Variants in ANKRD30B observed in about 807,000 individuals in gnomAD.
ANKRD30B encodes ankyrin repeat domain 30B, also known as ankyrin repeat domain-containing protein 30B.
In ANKRD30B, 144 loss-of-function variants were observed where a neutral mutation model predicts 202.2. The ratio of observed to expected loss-of-function variants is 0.71; its 90% CI spans 0.62 to 0.82. The LOEUF (loss-of-function observed/expected upper bound fraction) is 0.82, where lower values mean the gene tolerates loss of function less well. Ranked by LOEUF, ANKRD30B falls within the 40% of genes least tolerant of loss-of-function variation. The pLI is 0.00. For synonymous variants in ANKRD30B, 508 were observed against 561.3 expected (o/e 0.91, Z 1.34); for missense variants, 1,487 against 1,669.1 (o/e 0.89, Z 1.90).
chr18:14,749,050 C>T (rs1434390521), intron 1 of ANKRD30B, among the ~76,000 whole-genome samples: 1 of 152,178 alleles, frequency 6.6e-6, no homozygotes, highest in Admixed American at 6.5e-5. Flanking sequence ...TGAACTAATT[C>T]CCATAATATA....
At chr18:14,805,376 G>A (rs183808901) in intron 24 of ANKRD30B, among the ~76,000 whole-genome samples, 5 of 150,588 alleles carry the variant, frequency 3.3e-5, no homozygotes, top group Admixed American at 2.6e-4. Context: ...CAATATTGAG[G>A]GCCAATTAAA....
At chr18:14,753,570 T>C (rs1056719454) in intron 3 of ANKRD30B, among the ~76,000 whole-genome samples, 5 of 152,312 alleles carry the variant, frequency 3.3e-5, no homozygotes, top group African/African-American at 1.2e-4. Context: ...TATATTTTGG[T>C]AAAGGTTTCA....
rs559272339 is a variant in ANKRD30B, at chr18:14,786,952, C to T, written c.1673-87C>T. ...GGCTACAGAGGAAAAACTACAGATT[C>T]GTGAATGAAAGTAGACTTGTGTATG... On this transcript the variant is annotated intron_variant, in intron 14 of 43. Transcript: ENST00000690538. The T allele has an allele frequency of 2.4e-5, 31 of 1,314,898 alleles. No individual in the cohort carries two copies. The African/African-American group carries it at 3.6e-4, about 15-fold the overall frequency. The allele number at this position is 1,314,898 out of a possible 1,614,324, so 81.5% of individuals were successfully genotyped here.
intron 14 of ANKRD30B, among the ~76,000 whole-genome samples, chr18:14,786,303 C>T (rs1968082011): frequency 1.3e-5 from 2 of 152,094 alleles, no homozygotes; most frequent in Non-Finnish European, 2.9e-5. Flanking sequence ...TTATCCTATA[C>T]AACATGTGGG....
chr18:14,828,905 T>C (rs957853282), intron 33 of ANKRD30B, among the ~76,000 whole-genome samples: 1 of 152,222 alleles, frequency 6.6e-6, no homozygotes, highest in Non-Finnish European at 1.5e-5. Flanking sequence ...TATTTCACTC[T>C]TAGTGGAGAA....
At chr18:14,793,697 A>G (rs1388389405) in intron 16 of ANKRD30B, among the ~76,000 whole-genome samples, 1 of 152,096 alleles carries the variant, frequency 6.6e-6, no homozygotes, top group Non-Finnish European at 1.5e-5. Context: ...GATCCAGACC[A>G]TCCTGGCTAA....
chr18:14,826,771 C>T (rs928205363), intron 32 of ANKRD30B, among the ~76,000 whole-genome samples: 7 of 149,706 alleles, frequency 4.7e-5, no homozygotes, highest in African/African-American at 1.7e-4. Context: ...TTTTCTAAGA[C>T]ACCCATTGAA....
intron 15 of ANKRD30B, among the ~76,000 whole-genome samples, chr18:14,788,090 A>T (rs1968203380): frequency 6.6e-6 from 1 of 152,354 alleles, no homozygotes; most frequent in Non-Finnish European, 1.5e-5. Flanking sequence ...AGACTCTAAA[A>T]GTTCAAGACA....
At chr18:14,934,656 T>C in the ANKRD30B span, among the ~76,000 whole-genome samples, 1 of 152,066 alleles carries the variant, frequency 6.6e-6, no homozygotes, top group Non-Finnish European at 1.5e-5. Context: ...CTAGGGCATC[T>C]GGGGCTGGGT....
intron 8 of ANKRD30B, among the ~76,000 whole-genome samples, 154 bp downstream of exon 8, chr18:14,769,527 C>T (rs1026602284): frequency 5.9e-5 from 9 of 152,182 alleles, no homozygotes; most frequent in African/African-American, 2.2e-4. Context: ...CTTTGCAAAG[C>T]ATCTGTGCTA....
chr18:14,886,080 A>T, the ANKRD30B span, among the ~76,000 whole-genome samples: 1 of 152,104 alleles, frequency 6.6e-6, no homozygotes, highest in Non-Finnish European at 1.5e-5. Flanking sequence ...AGTATAGATT[A>T]GTCATTCTGT....
At chr18:14,891,884 C>T in the ANKRD30B span, among the ~76,000 whole-genome samples, 1 of 152,170 alleles carries the variant, frequency 6.6e-6, no homozygotes, top group African/African-American at 2.4e-5. Context: ...TAAATTTGTA[C>T]TAATACAATG....
At chr18:14,881,187 CT>C in the ANKRD30B span, among the ~76,000 whole-genome samples, 1 of 152,156 alleles carries the variant, frequency 6.6e-6, no homozygotes, top group Admixed American at 6.5e-5. Context: ...ATGCTTTCAC[CT>C]TTTCCCCATT....
the ANKRD30B span, among the ~76,000 whole-genome samples, chr18:14,913,883 T>C: frequency 6.6e-6 from 1 of 152,254 alleles, no homozygotes; most frequent in Non-Finnish European, 1.5e-5. Context: ...AGTTGGATGC[T>C]GTCCTGTGTG....
chr18:14,761,072 A>G (rs1336321698), intron 6 of ANKRD30B, among the ~76,000 whole-genome samples: 1 of 152,224 alleles, frequency 6.6e-6, no homozygotes, highest in Admixed American at 6.5e-5. Context: ...TTATAAATAA[A>G]TGTTATTACA....
At chr18:14,808,906 T>G (rs2144046543) in intron 26 of ANKRD30B, among the ~76,000 whole-genome samples, 162 bp downstream of exon 26, 1 of 151,066 alleles carries the variant, frequency 6.6e-6, no homozygotes, top group Non-Finnish European at 1.5e-5. Flanking sequence ...AAAATGTCAT[T>G]TAGAAGCATA....
chr18:14,791,618 A>C (rs1176857626), intron 16 of ANKRD30B, 127 bp downstream of exon 16: 13 of 708,398 alleles, frequency 1.8e-5, no homozygotes, highest in Non-Finnish European at 2.8e-5. Context: ...AAGAGAAGTG[A>C]AACGGTGATA....
chr18:14,879,776 A>C, the ANKRD30B span, among the ~76,000 whole-genome samples: 4 of 150,904 alleles, frequency 2.7e-5, no homozygotes, highest in Non-Finnish European at 4.4e-5. Context: ...GATAGGGGTC[A>C]GGGTCAGGGG....
At chr18:14,880,405 A>G in the ANKRD30B span, among the ~76,000 whole-genome samples, 2 of 152,004 alleles carry the variant, frequency 1.3e-5, no homozygotes, top group South Asian at 4.2e-4. Context: ...TGTTTTTGTA[A>G]TTCTGTGAAG....
Sources: gnomAD v4.1 joint callset for allele counts (sites outside exome capture counted in the v4.1 genomes callset) on GRCh38, gnomAD v4.1.1 for gene constraint, MANE v1.5 for transcripts, NCBI Gene and HGNC (gene_info 2026-07-23, HGNC 2026-07-21) for gene names.